Variants in LAPTM4B observed in about 807,000 individuals in gnomAD.
LAPTM4B encodes lysosomal protein transmembrane 4 beta, also known as lysosomal-associated transmembrane protein 4B.
Under a neutral mutation model 28.5 loss-of-function variants are expected in LAPTM4B, and 26 were observed. The ratio of observed to expected loss-of-function variants is 0.91; its 90% CI spans 0.67 to 1.27. The LOEUF is 1.27. Among genes scored for constraint, LAPTM4B ranks in the 50% most tolerant of loss-of-function variants. LAPTM4B has a pLI of 0.00. For missense variants in LAPTM4B, 288 were observed against 285.8 expected (o/e 1.01, Z -0.06); for synonymous variants, 109 against 106.4 (o/e 1.02, Z -0.15).
At chr8:97,800,526 C>T (rs900113946) in intron 1 of LAPTM4B, among the ~76,000 whole-genome samples, 108 of 48,542 alleles carry the variant, frequency 2.2e-3, no homozygotes, top group African/African-American at 6.0e-3. Context: ...ATGGAGTTTT[C>T]GCTTTTGTTG....
intron 1 of LAPTM4B, among the ~76,000 whole-genome samples, chr8:97,781,093 G>A (rs547838527): frequency 3.0e-4 from 46 of 151,618 alleles, no homozygotes; most frequent in African/African-American, 1.0e-3. Flanking sequence ...GGGTTCAAGC[G>A]ATTCTCCTGC....
intron 1 of LAPTM4B, among the ~76,000 whole-genome samples, chr8:97,793,809 T>C (rs1374070412): frequency 6.6e-6 from 1 of 152,176 alleles, no homozygotes; most frequent in Non-Finnish European, 1.5e-5. Context: ...TTGGGACTAA[T>C]GGGACAAGGG....
At chr8:97,820,348 G>A (rs1816985897) in intron 5 of LAPTM4B, among the ~76,000 whole-genome samples, 1 of 137,548 alleles carries the variant, frequency 7.3e-6, no homozygotes, top group African/African-American at 2.7e-5. Flanking sequence ...TGTAGTCTAG[G>A]CTGCCTCCTG....
Position 97,834,134 on chromosome 8 carries a change from T to G in LAPTM4B, c.603+8981T>G, listed in dbSNP as rs573353094. On this transcript the variant is annotated intron_variant, in intron 6 of 6. Transcript: ENST00000521545. ...AGTCTGGTCAACATAGTGAGACCCCTGTCTCTACAGAAAAAAAAAAAAAAT... is the reference window on the plus strand; with the variant it reads ...AGTCTGGTCAACATAGTGAGACCCCGGTCTCTACAGAAAAAAAAAAAAAAT... 2.5e-3 allele frequency among the ~76,000 whole-genome samples: 148 copies of G among 58,492 alleles called. 3 individuals carry two copies. The South Asian group carries it at 0.053, about 21-fold the overall frequency. 38.4% of individuals were successfully genotyped at this position (58,492 alleles called of 152,430 possible).
chr8:97,801,822 C>T (rs1391919414), intron 1 of LAPTM4B, among the ~76,000 whole-genome samples: 2 of 126,038 alleles, frequency 1.6e-5, no homozygotes, highest in Admixed American at 9.7e-5. Flanking sequence ...CCAGCCTGGG[C>T]GACAGTGCGA....
intron 1 of LAPTM4B, among the ~76,000 whole-genome samples, chr8:97,788,852 G>A (rs1214344633): frequency 1.3e-5 from 2 of 151,308 alleles, no homozygotes; most frequent in African/African-American, 2.4e-5. Flanking sequence ...CTGTCACCAC[G>A]TCCGGCTAAT....
At chr8:97,848,704 A>G (rs1320147827) in intron 6 of LAPTM4B, among the ~76,000 whole-genome samples, 2 of 152,230 alleles carry the variant, frequency 1.3e-5, no homozygotes, top group African/African-American at 4.8e-5. Context: ...TAATTTATCT[A>G]AAGATAAGTA....
intron 1 of LAPTM4B, among the ~76,000 whole-genome samples, chr8:97,785,307 C>T (rs763996387): frequency 1.4e-4 from 22 of 152,038 alleles, no homozygotes; most frequent in Non-Finnish European, 2.8e-4. Flanking sequence ...GAACTCTTGA[C>T]CTCAGGTGAT....
At chr8:97,805,826 A>G (rs528617463) in intron 2 of LAPTM4B, among the ~76,000 whole-genome samples, 51 of 152,174 alleles carry the variant, frequency 3.4e-4, no homozygotes, top group African/African-American at 1.1e-3. Context: ...TTTTTATTCT[A>G]GGAGTGATCC....
intron 1 of LAPTM4B, among the ~76,000 whole-genome samples, chr8:97,776,726 A>G (rs1261955389): frequency 6.6e-6 from 1 of 151,568 alleles, no homozygotes; most frequent in Non-Finnish European, 1.5e-5. Flanking sequence ...TACTCCAGGA[A>G]GGGATGTGAG....
intron 1 of LAPTM4B, among the ~76,000 whole-genome samples, chr8:97,799,425 T>G (rs554828067): frequency 1.3e-5 from 2 of 152,052 alleles, no homozygotes; most frequent in South Asian, 4.2e-4. Flanking sequence ...AGCAGATGAG[T>G]CGTTTCAAAG....
At chr8:97,839,350 T>C (rs759651740) in intron 6 of LAPTM4B, among the ~76,000 whole-genome samples, 1 of 152,096 alleles carries the variant, frequency 6.6e-6, no homozygotes, top group Non-Finnish European at 1.5e-5. Flanking sequence ...TGTGTTACCA[T>C]GCCTGGCTAA....
At chr8:97,810,484 C>T (rs192539613) in intron 2 of LAPTM4B, among the ~76,000 whole-genome samples, 9 of 152,226 alleles carry the variant, frequency 5.9e-5, no homozygotes, top group Admixed American at 2.0e-4. Context: ...GAAGGGTATA[C>T]GTGAATTCTG....
In LAPTM4B at chr8:97,839,257, C is replaced by T. The variant is rs577848998; in HGVS notation, c.604-12140C>T. Among the ~76,000 whole-genome samples, 9 of 152,190 alleles carry T rather than the reference C, an allele frequency of 5.9e-5. No individual in the cohort carries two copies. In the South Asian group the frequency reaches 1.2e-3, roughly 21 times the overall value. ...TTGCCCAGGCTGGAGTGCAATGGCGCGATCTCGGCTCACTGCATCCTCCAC... is the reference window on the plus strand; with the variant it reads ...TTGCCCAGGCTGGAGTGCAATGGCGTGATCTCGGCTCACTGCATCCTCCAC... On this transcript the variant is annotated intron_variant, in intron 6 of 6. Coordinates refer to ENST00000521545, the MANE Select transcript of LAPTM4B (RefSeq NM_018407.6).
chr8:97,822,377 C>T (rs1215775216), intron 5 of LAPTM4B, among the ~76,000 whole-genome samples: 4 of 151,886 alleles, frequency 2.6e-5, no homozygotes, highest in Non-Finnish European at 5.9e-5. Flanking sequence ...CTAACTCTGC[C>T]ATTACCAGAA....
chr8:97,828,876 A>G (rs1817134168), intron 6 of LAPTM4B, among the ~76,000 whole-genome samples: 1 of 152,216 alleles, frequency 6.6e-6, no homozygotes. Flanking sequence ...AATTCATCGA[A>G]TGACTCTTTT....
intron 1 of LAPTM4B, among the ~76,000 whole-genome samples, chr8:97,790,717 C>T (rs549506738): frequency 1.3e-5 from 2 of 152,262 alleles, no homozygotes; most frequent in Non-Finnish European, 2.9e-5. Flanking sequence ...AAGTGTTGGA[C>T]TATGGGCGTG....
intron 6 of LAPTM4B, among the ~76,000 whole-genome samples, chr8:97,849,725 ACTC>A (rs1276631508): frequency 6.6e-6 from 1 of 151,500 alleles, no homozygotes; most frequent in Non-Finnish European, 1.5e-5. Flanking sequence ...CCTTGCAGAT[ACTC>A]CTCCTTCACC....
intron 6 of LAPTM4B, among the ~76,000 whole-genome samples, chr8:97,832,526 T>A (rs984735630): frequency 6.6e-5 from 10 of 152,328 alleles, no homozygotes; most frequent in African/African-American, 2.2e-4. Flanking sequence ...AGCCATTTTT[T>A]AAAATTTTCT....
Sources: gnomAD v4.1 joint callset for allele counts (sites outside exome capture counted in the v4.1 genomes callset) on GRCh38, gnomAD v4.1.1 for gene constraint, MANE v1.5 for transcripts, NCBI Gene and HGNC (gene_info 2026-07-23, HGNC 2026-07-21) for gene names.